KHDRBS3: variants seen among roughly 807,000 people sequenced by gnomAD.
The protein encoded by KHDRBS3 is KH RNA binding domain containing, signal transduction associated 3.
Under a neutral mutation model 45.6 loss-of-function variants are expected in KHDRBS3, and 23 were observed. That is an observed-to-expected ratio of 0.50 (90% confidence interval 0.36 to 0.72). The LOEUF (loss-of-function observed/expected upper bound fraction) is 0.72. Ranked by LOEUF, KHDRBS3 falls within the 30% of genes least tolerant of loss-of-function variation. The pLI is 0.00. For missense variants in KHDRBS3, 352 were observed against 424.8 expected, an observed-to-expected ratio of 0.83 and a Z score of 1.51; for synonymous variants, 162 against 156.5, an observed-to-expected ratio of 1.04 and a Z score of -0.26.
chr8:135,597,448 C>G (rs563138990), intron 6 of KHDRBS3, among the ~76,000 whole-genome samples: 1 of 152,252 alleles, frequency 6.6e-6, no homozygotes, highest in Admixed American at 6.5e-5. Flanking sequence ...ATTCTCTCCC[C>G]CCTAGTCCCC....
chr8:135,562,501 A>G (rs911516809), intron 5 of KHDRBS3, among the ~76,000 whole-genome samples: 13 of 152,154 alleles, frequency 8.5e-5, no homozygotes, highest in South Asian at 4.1e-4. Context: ...CTTAGAAGGT[A>G]TCCTCATAGC....
At chr8:135,546,346 C>G (rs111889307) in intron 3 of KHDRBS3, among the ~76,000 whole-genome samples, 39 of 152,160 alleles carry the variant, frequency 2.6e-4, no homozygotes, top group African/African-American at 8.7e-4. Context: ...TTTAGATTTT[C>G]AAAGTGTTCA....
chr8:135,536,852 C>G (rs369936910), intron 2 of KHDRBS3, among the ~76,000 whole-genome samples: 1 of 148,248 alleles, frequency 6.7e-6, no homozygotes, highest in East Asian at 2.0e-4. Context: ...CCCAGCTACT[C>G]GGGAGGCTGA....
chr8:135,651,674 A>G (rs1307643690), downstream of KHDRBS3, among the ~76,000 whole-genome samples: 2 of 152,188 alleles, frequency 1.3e-5, no homozygotes, highest in Non-Finnish European at 2.9e-5. Flanking sequence ...GAACTCTACA[A>G]GCTTCTGTTT....
At chr8:135,600,470 C>T (rs1829159318) in intron 6 of KHDRBS3, among the ~76,000 whole-genome samples, 1 of 152,092 alleles carries the variant, frequency 6.6e-6, no homozygotes. Context: ...GCCTCATTGG[C>T]TAGTTAGATG....
downstream of KHDRBS3, among the ~76,000 whole-genome samples, chr8:135,650,614 G>A (rs1041423967): frequency 3.9e-5 from 6 of 152,156 alleles, no homozygotes; most frequent in Non-Finnish European, 5.9e-5. Context: ...GATTTGAACC[G>A]ATTGACTTCA....
intron 1 of KHDRBS3, among the ~76,000 whole-genome samples, chr8:135,506,619 GTC>G (rs1452037497): frequency 6.6e-6 from 1 of 151,958 alleles, no homozygotes; most frequent in Non-Finnish European, 1.5e-5. Context: ...GGCCAGGCTG[GTC>G]TCCAACTCCT....
intron 7 of KHDRBS3, 21 bp from the exon 8 acceptor site, chr8:135,645,033 CTTTGT>C (rs761784564): frequency 1.2e-6 from 2 of 1,609,726 alleles, no homozygotes; most frequent in South Asian, 1.1e-5. Flanking sequence ...TGATTTTGTC[CTTTGT>C]TTTGTTTTGA....
chr8:135,647,989 C>T (rs1355999742), downstream of KHDRBS3: 1 of 152,084 alleles, frequency 6.6e-6, no homozygotes, highest in Non-Finnish European at 1.5e-5. Flanking sequence ...AATTTTGGTA[C>T]CTTAATGAAC....
chr8:135,497,175 A>G (rs1473968435), intron 1 of KHDRBS3, among the ~76,000 whole-genome samples: 4 of 152,222 alleles, frequency 2.6e-5, no homozygotes, highest in African/African-American at 9.6e-5. Context: ...CTCTTTTACA[A>G]GGCAGACTAG....
intron 1 of KHDRBS3, among the ~76,000 whole-genome samples, chr8:135,494,469 G>C: frequency 6.6e-6 from 1 of 151,714 alleles, no homozygotes; most frequent in Middle Eastern, 3.4e-3. Context: ...TAGTAGAGAC[G>C]GGGTTTCACC....
intron 1 of KHDRBS3, among the ~76,000 whole-genome samples, chr8:135,478,823 G>A (rs1196988335): frequency 6.6e-6 from 1 of 152,082 alleles, no homozygotes; most frequent in African/African-American, 2.4e-5. Flanking sequence ...ATACAACAAA[G>A]CAGTACTTAG....
chr8:135,482,937 T>C (rs77791842), intron 1 of KHDRBS3, among the ~76,000 whole-genome samples: 5,775 of 152,264 alleles, frequency 0.038, 359 homozygotes, highest in African/African-American at 0.13. Flanking sequence ...AATTCCTTTC[T>C]TTTTCATAAG....
In KHDRBS3 at chr8:135,466,989, T is replaced by C. The variant is rs553942739; in HGVS notation, c.88+9035T>C. 1.2e-4 allele frequency among the ~76,000 whole-genome samples: 19 copies of C among 152,294 alleles called. No individual in the cohort carries two copies. In the East Asian group the frequency reaches 3.7e-3, roughly 29 times the overall value. On this transcript the variant is annotated intron_variant, in intron 1 of 8. Coordinates refer to ENST00000355849, the MANE Select transcript of KHDRBS3 (RefSeq NM_006558.3). ...TTTTAAAATAACTAAAAGAGTATAA[T>C]TGGATTGTTTGTAACAGAAAGGATA...
At chr8:135,495,318 G>T (rs1198847399) in intron 1 of KHDRBS3, among the ~76,000 whole-genome samples, 1 of 152,060 alleles carries the variant, frequency 6.6e-6, no homozygotes, top group Non-Finnish European at 1.5e-5. Context: ...AAATTATTTT[G>T]TCAATTATCC....
At chr8:135,599,878 G>A (rs547737638) in intron 6 of KHDRBS3, among the ~76,000 whole-genome samples, 22 of 152,340 alleles carry the variant, frequency 1.4e-4, no homozygotes, top group South Asian at 6.2e-4. Context: ...CTGCAGGGCC[G>A]TCACGCAGGT....
chr8:135,603,171 T>TA (rs1439373801), intron 6 of KHDRBS3, among the ~76,000 whole-genome samples: 1 of 152,170 alleles, frequency 6.6e-6, no homozygotes, highest in Non-Finnish European at 1.5e-5. Context: ...CTTGTAGAAT[T>TA]ATAGTTGTCT....
At chr8:135,585,474 T>G (rs1320663065) in intron 6 of KHDRBS3, among the ~76,000 whole-genome samples, 2 of 151,900 alleles carry the variant, frequency 1.3e-5, no homozygotes, top group African/African-American at 4.8e-5. Flanking sequence ...CTGCCTCCCC[T>G]TCCTCCCACC....
chr8:135,546,937 T>G (rs1826335545), intron 3 of KHDRBS3, among the ~76,000 whole-genome samples: 1 of 152,200 alleles, frequency 6.6e-6, no homozygotes, highest in African/African-American at 2.4e-5. Flanking sequence ...AGCTTAAGTT[T>G]GTGATAGAAA....
Sources: allele counts gnomAD v4.1 joint callset (sites outside exome capture counted in the v4.1 genomes callset), GRCh38; gene constraint gnomAD v4.1.1; transcripts MANE v1.5; gene names NCBI Gene and HGNC (gene_info 2026-07-23, HGNC 2026-07-21).